The following EXOC3L4 variants were observed in gnomAD, a reference collection of about 807,000 sequenced individuals.
EXOC3L4 encodes exocyst complex component 3 like 4.
A neutral mutation model predicts 69.7 loss-of-function variants in EXOC3L4; 62 were observed. The observed-to-expected ratio is 0.89, with a 90% confidence interval of 0.72 to 1.10. The LOEUF (loss-of-function observed/expected upper bound fraction) is 1.10, where lower values mean the gene tolerates loss of function less well. Ranked by LOEUF, EXOC3L4 falls within the 50% of genes least tolerant of loss-of-function variation. EXOC3L4 has a pLI of 0.00. For missense variants in EXOC3L4, 1,087 were observed against 1,034.8 expected, an observed-to-expected ratio of 1.05 and a Z score of -0.69; for synonymous variants, 502 against 464.2, an observed-to-expected ratio of 1.08 and a Z score of -1.05.
At chr14:103,102,811 G>A (rs2139484897) in intron 3 of EXOC3L4, 39 bp downstream of exon 3, 2 of 1,312,840 alleles carry the variant, frequency 1.5e-6, no homozygotes, top group Middle Eastern at 5.2e-4. Context: ...GAGGACAGCT[G>A]CCGCTTCCTC....
chr14:103,102,486 G>A lies in EXOC3L4; in HGVS notation c.763G>A (p.Glu255Lys). 7.2e-7 allele frequency: 1 copy of A among 1,392,234 alleles called. No individual in the cohort carries two copies. Among genetic ancestry groups the A allele is most frequent in the Non-Finnish European group, 9.2e-7 (1 of 1,081,404 alleles). 86.2% of individuals were successfully genotyped at this position (1,392,234 alleles called of 1,614,324 possible). A position where few individuals can be genotyped will look rare whatever the true frequency, so the allele number is the denominator to read the frequency against. ...WEEAVRRSAQ[E>K]RVRRPGAGWA... ...GGAGGCGGTGCGGCGAAGCGCTCAGGAGCGCGTGCGGCGGCCGGGCGCGGG... is the reference window on the plus strand; with the variant it reads ...GGAGGCGGTGCGGCGAAGCGCTCAGAAGCGCGTGCGGCGGCCGGGCGCGGG... The change falls in exon 3 of 12, where the codon GAG becomes AAG. Residue 255 changes from glutamate (E) to lysine (K), a missense_variant. Coordinates refer to ENST00000688303, the MANE Select transcript of EXOC3L4 (RefSeq NM_001077594.2).
chr14:103,110,498 T>C lies in EXOC3L4; in HGVS notation c.*275T>C. 1.7e-6 allele frequency: 1 copy of C among 584,736 alleles called. No homozygotes were observed. The highest frequency in any genetic ancestry group is 2.8e-5 in the Admixed American group (1 of 35,550). 36.2% of individuals were successfully genotyped at this position (584,736 alleles called of 1,614,324 possible). On this transcript the variant is annotated 3_prime_UTR_variant, in exon 12 of 12. Transcript: ENST00000688303. ...GGGCCTCCCGCCCGACTGTCCAGCT[T>C]CACCCTCCAGTCTGAAAGTGAAGAG...
chr14:103,096,511 T>A (rs563206717), intron 1 of EXOC3L4, among the ~76,000 whole-genome samples: 12 of 151,720 alleles, frequency 7.9e-5, no homozygotes, highest in Admixed American at 6.6e-4. Flanking sequence ...TGGGTTTATA[T>A]CCCGATCATT....
In EXOC3L4 at chr14:103,102,535, G is replaced by A. The variant is rs1460892833; in HGVS notation, c.812G>A (p.Gly271Asp). Residue 271 changes from glycine (G) to aspartate (D), a missense_variant, in exon 3 of 12, where the codon GGC (glycine) becomes GAC (aspartate). Physicochemically the swap from Gly to Asp is moderately conservative, Grantham distance 94. Coordinates refer to ENST00000688303, the MANE Select transcript of EXOC3L4 (RefSeq NM_001077594.2). ...GAGWAFGEAEGASGLAQLLAE... is the reference protein window; with the variant it reads ...GAGWAFGEAEDASGLAQLLAE... The stretch of plus-strand genomic sequence containing the variant: ...GGGTGGGCCTTCGGGGAGGCGGAGG[G>A]CGCGTCGGGTTTGGCCCAGCTTCTG... 3 of 1,408,246 alleles carry A rather than the reference G, an allele frequency of 2.1e-6. No homozygotes were observed. Among genetic ancestry groups the A allele is most frequent in the Non-Finnish European group, 2.8e-6 (3 of 1,085,160 alleles). The allele number at this position is 1,408,246 out of a possible 1,614,324, so 87.2% of individuals were successfully genotyped here. A position where few individuals can be genotyped will look rare whatever the true frequency, so the allele number is the denominator to read the frequency against.
chr14:103,099,049 C>G (rs927306679), intron 1 of EXOC3L4, among the ~76,000 whole-genome samples: 6 of 152,124 alleles, frequency 3.9e-5, no homozygotes, highest in African/African-American at 1.4e-4. Flanking sequence ...ACTTCCTGCC[C>G]GATGTCACCC....
In EXOC3L4 at chr14:103,103,977, C is replaced by T. The variant is rs751606348; in HGVS notation, c.1086C>T (p.Pro362=). The T allele has an allele frequency of 1.9e-6, 3 of 1,557,582 alleles. No individual in the cohort carries two copies. Among genetic ancestry groups the T allele is most frequent in the Admixed American group, 1.9e-5 (1 of 53,892 alleles). ...DFLGAPGLAL[P]AEPLPPLLAP... ...TGGGCGCCCCGGGGCTGGCGCTGCC[C>T]GCCGAGCCGCTGCCTCCGCTCCTGG... The change falls in exon 4 of 12, where the codon CCC becomes CCT. Residue 362 remains proline (P), a synonymous_variant. Transcript: ENST00000688303.
intron 3 of EXOC3L4, chr14:103,103,656 G>A: frequency 2.5e-6 from 1 of 400,478 alleles, no homozygotes; most frequent in Non-Finnish European, 4.5e-6. Flanking sequence ...TTGGAGGGTG[G>A]CCGATTCCTG....
In EXOC3L4 at chr14:103,105,083, C is replaced by T. The variant is rs1479038814; in HGVS notation, c.1466+11C>T. 3.1e-6 allele frequency: 5 copies of T among 1,593,160 alleles called. No homozygotes were observed. The highest frequency in any genetic ancestry group is 4.3e-6 in the Non-Finnish European group (5 of 1,166,598). ...CTGCGAGGAGCTCAGGTAGGGCTCG[C>T]CCGCTCCTGTGCGGGCGCAGCGTGG... is the stretch of plus-strand genomic sequence containing the variant. On this transcript the variant is annotated intron_variant, in intron 7 of 11. Coordinates refer to ENST00000688303, the MANE Select transcript of EXOC3L4 (RefSeq NM_001077594.2).
intron 3 of EXOC3L4, chr14:103,103,585 C>T (rs1890344624): frequency 4.8e-6 from 1 of 206,296 alleles, no homozygotes; most frequent in Admixed American, 5.9e-5. Context: ...CCTTAAATTG[C>T]TCCTTAAATT....
chr14:103,108,351 G>A (rs370767688), intron 10 of EXOC3L4, 45 bp from the exon 11 acceptor site: 77 of 1,603,494 alleles, frequency 4.8e-5, no homozygotes, highest in African/African-American at 2.1e-4. Flanking sequence ...TTGGAGCAGC[G>A]GTGGGGAGAG....
intron 3 of EXOC3L4, 198 bp from the exon 4 acceptor site, chr14:103,103,743 C>T: frequency 1.9e-6 from 1 of 533,272 alleles, no homozygotes; most frequent in Non-Finnish European, 3.3e-6. Flanking sequence ...AGGAACCCAG[C>T]TGTCAGAGGC....
rs1422356043 is a variant in EXOC3L4 at position 103,110,264 on chromosome 14, C to T, written c.*41C>T. 3 of 1,499,638 alleles carry T rather than the reference C, an allele frequency of 2.0e-6. No individual in the cohort carries two copies. The African/African-American group carries it at 4.2e-5, about 21-fold the overall frequency. 92.9% of individuals were successfully genotyped at this position (1,499,638 alleles called of 1,614,324 possible). On this transcript the variant is annotated 3_prime_UTR_variant, in exon 12 of 12. Transcript: ENST00000688303. Reference sequence around the variant, plus strand: ...GGGGGGGCCGGCCGCTGGCAGGGAGCTGTGGTCAGTGGGGGTCAGCCAGGA... The same window carrying T: ...GGGGGGGCCGGCCGCTGGCAGGGAGTTGTGGTCAGTGGGGGTCAGCCAGGA...
chr14:103,101,049 C>T (rs1453412848), intron 2 of EXOC3L4, among the ~76,000 whole-genome samples: 11 of 151,562 alleles, frequency 7.3e-5, no homozygotes, highest in African/African-American at 2.7e-4. Flanking sequence ...ACTACAGGTG[C>T]GTGCCAACAC....
At chr14:103,094,211 C>T (rs1889802978), upstream of EXOC3L4, among the ~76,000 whole-genome samples, 1 of 152,172 alleles carries the variant, frequency 6.6e-6, no homozygotes, top group Non-Finnish European at 1.5e-5. Context: ...AGGGCCCCAT[C>T]CCTTTCTCTA....
In EXOC3L4 at chr14:103,110,206, C is replaced by A; in HGVS notation, c.2152C>A (p.Leu718Met). The stretch of plus-strand genomic sequence containing the variant: ...CAAGGTGCCCAGTGCCATGGCTGTG[C>A]TGATCACCTGCGTCTAGTTCTCTCT... ...EIKVPSAMAV[L>M]ITCV The change falls in exon 12 of 12, where the codon CTG becomes ATG. Residue 718 changes from leucine to methionine, a missense_variant. Leu to Met is a conservative substitution (Grantham distance 15). Coordinates refer to ENST00000688303, the MANE Select transcript of EXOC3L4 (RefSeq NM_001077594.2). The A allele has an allele frequency of 6.6e-7, 1 of 1,510,140 alleles. No individual in the cohort carries two copies. Among genetic ancestry groups the A allele is most frequent in the South Asian group, 1.3e-5 (1 of 78,402 alleles). The allele number at this position is 1,510,140 out of a possible 1,614,324, so 93.5% of individuals were successfully genotyped here.
In EXOC3L4 at chr14:103,107,712, A is replaced by T; in HGVS notation, c.1783A>T (p.Met595Leu). ...GAGGCCACGGGAGCGGTTCCGGGGC[A>T]TGGAGCGCATGCATGGCTCCCAGAA... Reference protein sequence around the residue: ...ALRPRERFRGMERMHGSQKMS... With the variant: ...ALRPRERFRGLERMHGSQKMS... Residue 595 changes from methionine to leucine, a missense_variant, in exon 10 of 12, where the codon ATG (methionine) becomes TTG (leucine). Transcript: ENST00000688303. The T allele has an allele frequency of 6.4e-6, 10 of 1,552,428 alleles. No individual in the cohort carries two copies. The highest frequency in any genetic ancestry group is 8.7e-6 in the Non-Finnish European group (10 of 1,146,808).
intron 7 of EXOC3L4, among the ~76,000 whole-genome samples, chr14:103,106,165 G>A (rs1463841157): frequency 5.3e-5 from 8 of 152,252 alleles, no homozygotes; most frequent in Admixed American, 4.6e-4. Flanking sequence ...CCACTTGCCC[G>A]TGGCCACGTA....
Position 103,102,127 on chromosome 14 carries a change from C to T in EXOC3L4, c.404C>T (p.Ser135Phe), listed in dbSNP as rs1157387535. 10 of 1,603,354 alleles carry T rather than the reference C, an allele frequency of 6.2e-6. No individual in the cohort carries two copies. Among genetic ancestry groups the T allele is most frequent in the Non-Finnish European group, 8.5e-6 (10 of 1,175,602 alleles). Residue 135 changes from serine to phenylalanine, a missense_variant, in exon 3 of 12, where the codon TCC becomes TTC. Ser to Phe is a radical substitution (Grantham distance 155). Transcript: ENST00000688303. ...EELKPEAEGK[S>F]VADLITERQL... is the part of the protein sequence containing the mutation. ...TCGCCCGCCTGTGCAGAAGGCAAAT[C>T]CGTGGCCGACCTCATTACTGAACGG...
intron 10 of EXOC3L4, 136 bp from the exon 11 acceptor site, chr14:103,108,260 C>T (rs527782307): frequency 1.1e-4 from 142 of 1,347,758 alleles, no homozygotes; most frequent in African/African-American, 4.2e-4. Context: ...GAGGCAGTCC[C>T]GGCACCGAGC....
Sources: allele counts gnomAD v4.1 joint callset (sites outside exome capture counted in the v4.1 genomes callset), GRCh38; gene constraint gnomAD v4.1.1; transcripts MANE v1.5; gene names NCBI Gene and HGNC (gene_info 2026-07-23, HGNC 2026-07-21).